Variants in ZNF507 observed in about 807,000 individuals in gnomAD.
ZNF507 encodes zinc finger protein 507.
Under a neutral mutation model 80.0 loss-of-function variants are expected in ZNF507, and 29 were observed. That is an observed-to-expected ratio of 0.36 (90% CI 0.27 to 0.49). The LOEUF (loss-of-function observed/expected upper bound fraction) is 0.49. ZNF507 is among the 20% of genes least tolerant of loss of function. The pLI is 0.98. For synonymous variants in ZNF507, 462 were observed against 422.5 expected (o/e 1.09, Z -1.15); for missense variants, 1,081 against 1,152.2 (o/e 0.94, Z 0.90).
intron 1 of ZNF507, among the ~76,000 whole-genome samples, chr19:32,346,125 G>A (rs923409893): frequency 4.6e-5 from 7 of 152,200 alleles, no homozygotes; most frequent in Non-Finnish European, 7.3e-5. Flanking sequence ...ACCCAGCCAC[G>A]ATGTTCTCAC....
At chr19:32,365,788 A>G (rs1967390577) in intron 5 of ZNF507, among the ~76,000 whole-genome samples, 3 of 152,276 alleles carry the variant, frequency 2.0e-5, no homozygotes, top group Middle Eastern at 3.4e-3. Flanking sequence ...CTGAAACTGT[A>G]CTGTGGCAGG....
chr19:32,346,492 C>T (rs919230223), intron 1 of ZNF507, among the ~76,000 whole-genome samples: 4 of 152,178 alleles, frequency 2.6e-5, no homozygotes, highest in Non-Finnish European at 5.9e-5. Flanking sequence ...GATTTATCAC[C>T]TCTTTGAGTT....
At chr19:32,355,349 C>T (rs559451425) in intron 3 of ZNF507, among the ~76,000 whole-genome samples, 1 of 152,248 alleles carries the variant, frequency 6.6e-6, no homozygotes, top group South Asian at 2.1e-4. Flanking sequence ...TATTTTTCAT[C>T]TTATATGGCC....
At chr19:32,370,634 C>T (rs536337266) in intron 5 of ZNF507, among the ~76,000 whole-genome samples, 28 of 152,202 alleles carry the variant, frequency 1.8e-4, no homozygotes, top group African/African-American at 6.7e-4. Context: ...GGATATTAAC[C>T]CCTTATCGGA....
chr19:32,375,333 A>G (rs1367345368), intron 5 of ZNF507, among the ~76,000 whole-genome samples: 1 of 152,162 alleles, frequency 6.6e-6, no homozygotes, highest in Non-Finnish European at 1.5e-5. Context: ...TCTAGCCCCA[A>G]ATGTCAGGAA....
rs778899825 is a variant in ZNF507, at chr19:32,384,591, T to G, written c.*1508T>G. Reference sequence around the variant, plus strand: ...AAAGGTTTTCGAATGGGATACGCTGTAGGCACGTTTTAAGAAGTATTCTGT... The same window carrying G: ...AAAGGTTTTCGAATGGGATACGCTGGAGGCACGTTTTAAGAAGTATTCTGT... On this transcript the variant is annotated 3_prime_UTR_variant, in exon 7 of 7. Transcript: ENST00000355898. 6.6e-6 allele frequency: 1 copy of G among 152,202 alleles called. No individual in the cohort carries two copies. Among genetic ancestry groups the G allele is most frequent in the Non-Finnish European group, 1.5e-5 (1 of 68,036 alleles). 9.4% of individuals were successfully genotyped at this position (152,202 alleles called of 1,614,324 possible).
chr19:32,350,931 T>C (rs1408191339), intron 2 of ZNF507, among the ~76,000 whole-genome samples: 2 of 152,232 alleles, frequency 1.3e-5, no homozygotes, highest in East Asian at 3.8e-4. Context: ...TGTGGAATTC[T>C]AAGACAATAA....
At chr19:32,355,096 G>A (rs1482609971) in intron 3 of ZNF507, 139 bp downstream of exon 3, 2 of 795,350 alleles carry the variant, frequency 2.5e-6, no homozygotes, top group Non-Finnish European at 3.8e-6. Flanking sequence ...TTGCCCAAGG[G>A]GATCCCAACT....
intron 4 of ZNF507, 115 bp downstream of exon 4, chr19:32,356,848 G>A (rs952408306): frequency 9.1e-5 from 70 of 771,756 alleles, no homozygotes; most frequent in Middle Eastern, 2.4e-4. Context: ...CTCCATTTTT[G>A]TACCATGGAT....
At chr19:32,361,050 G>A (rs1367375289) in intron 5 of ZNF507, among the ~76,000 whole-genome samples, 1 of 152,114 alleles carries the variant, frequency 6.6e-6, no homozygotes, top group East Asian at 1.9e-4. Context: ...TCAATTTTAT[G>A]TTTTCATTTC....
At position 32,382,521 on chromosome 19, in the gene ZNF507, G is replaced by C; in HGVS notation, c.2415G>C (p.Met805Ile). ...ATCCTCCTTCTTTGAAGTCTCATAT[G>C]TGGAAACATGCAAGTGACCAAAATT... Reference protein sequence around the residue: ...CSHPPSLKSHMWKHASDQNYN... With the variant: ...CSHPPSLKSHIWKHASDQNYN... The change falls in exon 6 of 7, where the codon ATG becomes ATC. Residue 805 changes from methionine to isoleucine, a missense_variant. Met to Ile is a conservative substitution (Grantham distance 10). Around this residue, in one of 6 missense-constraint regions of ZNF507, gnomAD observed 11 missense variants for 37.1 expected, o/e 0.30. Transcript: ENST00000355898. 1.2e-6 allele frequency: 2 copies of C among 1,614,162 alleles called. No individual in the cohort carries two copies. Among genetic ancestry groups the C allele is most frequent in the Non-Finnish European group, 1.7e-6 (2 of 1,180,002 alleles).
At chr19:32,351,193 G>C (rs1378001745) in intron 2 of ZNF507, among the ~76,000 whole-genome samples, 1 of 152,210 alleles carries the variant, frequency 6.6e-6, no homozygotes, top group Non-Finnish European at 1.5e-5. Flanking sequence ...AGGGCAGTTA[G>C]AGACAGCTAG....
chr19:32,366,131 A>G (rs538499137), intron 5 of ZNF507, among the ~76,000 whole-genome samples: 17 of 152,242 alleles, frequency 1.1e-4, no homozygotes, highest in African/African-American at 3.9e-4. Context: ...TAGCTTTTTC[A>G]TATTGAGAAC....
intron 5 of ZNF507, among the ~76,000 whole-genome samples, chr19:32,375,967 C>T (rs1252649901): frequency 2.0e-5 from 3 of 151,170 alleles, no homozygotes; most frequent in East Asian, 3.9e-4. Flanking sequence ...ACTGTGTTCT[C>T]AGAAGCTTTA....
Position 32,352,885 on chromosome 19 carries a change from G to C in ZNF507, c.55G>C (p.Ala19Pro). 3 of 1,610,708 alleles carry C rather than the reference G, an allele frequency of 1.9e-6. No homozygotes were observed. Among genetic ancestry groups the C allele is most frequent in the Non-Finnish European group, 2.5e-6 (3 of 1,179,110 alleles). The change falls in exon 3 of 7, where the codon GCT (alanine) becomes CCT (proline). Residue 19 changes from alanine to proline, a missense_variant. Physicochemically the swap from Ala to Pro is conservative, Grantham distance 27. Around this residue, in one of 6 missense-constraint regions of ZNF507, gnomAD observed 275 missense variants for 303.9 expected, o/e 0.90. Coordinates refer to ENST00000355898, the MANE Select transcript of ZNF507 (RefSeq NM_001136156.2). ...MLVPDIGEQE[A>P]ILTAESIISP... ...GGTGCCAGATATTGGGGAACAGGAA[G>C]CTATACTGACTGCTGAAAGTATCAT...
At chr19:32,380,494 G>A in intron 5 of ZNF507, 2 of 1,032,982 alleles carry the variant, frequency 1.9e-6, no homozygotes, top group Middle Eastern at 2.0e-4. Context: ...TTAAATTGGA[G>A]GTGGGTGAGA....
intron 5 of ZNF507, among the ~76,000 whole-genome samples, chr19:32,377,493 A>T (rs1967566350): frequency 6.6e-6 from 1 of 152,236 alleles, no homozygotes; most frequent in South Asian, 2.1e-4. Context: ...AATGATATTC[A>T]TATATAATCA....
chr19:32,363,038 TCTC>T (rs1967351141), intron 5 of ZNF507, among the ~76,000 whole-genome samples: 2 of 152,234 alleles, frequency 1.3e-5, no homozygotes, highest in African/African-American at 4.8e-5. Flanking sequence ...TCTAGGACTT[TCTC>T]CTCGTTGTCC....
chr19:32,370,007 T>C (rs1967448217), intron 5 of ZNF507, among the ~76,000 whole-genome samples: 1 of 152,226 alleles, frequency 6.6e-6, no homozygotes, highest in South Asian at 2.1e-4. Flanking sequence ...TGTGTCTGGC[T>C]TGTTAGCATG....
Sources: gnomAD v4.1 joint callset for allele counts (sites outside exome capture counted in the v4.1 genomes callset) on GRCh38, gnomAD v4.1.1 for gene constraint, gnomAD v4.1.1 regional missense constraint, MANE v1.5 for transcripts, NCBI Gene and HGNC (gene_info 2026-07-23, HGNC 2026-07-21) for gene names.